The following OR6P1 variants were observed in gnomAD, a reference collection of about 807,000 sequenced individuals.
The protein encoded by OR6P1 is olfactory receptor 6P1.
In OR6P1, 5 loss-of-function variants were observed where a neutral mutation model predicts 6.6. The ratio of observed to expected loss-of-function variants is 0.76; its 90% confidence interval spans 0.40 to 1.60. The LOEUF is 1.60. OR6P1 is among the 40% of genes most tolerant of loss of function. The probability of loss-of-function intolerance (pLI) is 0.02; values close to 1 mark genes in which losing one functional copy is unlikely to be tolerated. For missense variants in OR6P1, 451 were observed against 383.0 expected, an observed-to-expected ratio of 1.18 and a Z score of -1.48; for synonymous variants, 177 against 149.6, an observed-to-expected ratio of 1.18 and a Z score of -1.33.
Position 158,563,109 on chromosome 1 carries a change from A to G in OR6P1, c.496T>C (p.Leu166=), listed in dbSNP as rs780568841. ...ATAATGTTGGGTCCACAGTAGGACA[A>G]TTGGGAAATAAAAAGAAGCTTCATC... ...SMMKLLFISQ[L]SYCGPNIINH... is the part of the protein sequence containing the mutation. Residue 166 remains leucine (L), a synonymous_variant, in exon 3 of 3, where the codon TTG becomes CTG. Coordinates refer to ENST00000641540, the MANE Select transcript of OR6P1 (RefSeq NM_001160325.2). The G allele has an allele frequency of 1.3e-6, 2 of 1,551,744 alleles. No individual in the cohort carries two copies. Among genetic ancestry groups the G allele is most frequent in the South Asian group, 2.4e-5 (2 of 84,054 alleles).
At chr1:158,568,052 C>T (rs886549326) in intron 1 of OR6P1, among the ~76,000 whole-genome samples, 5 of 152,084 alleles carry the variant, frequency 3.3e-5, no homozygotes, top group African/African-American at 9.7e-5. Flanking sequence ...AAAACTGAAC[C>T]CTTTTTGCTA....
chr1:158,562,356 A>G lies in OR6P1; in HGVS notation c.*295T>C. ...TCCCAGGAAGTTTTGAATATTATTC[A>G]CGGCAGGGTTACATTCCACACATAC... On this transcript the variant is annotated 3_prime_UTR_variant, in exon 3 of 3. Coordinates refer to ENST00000641540, the MANE Select transcript of OR6P1 (RefSeq NM_001160325.2). 3.1e-6 allele frequency: 1 copy of G among 324,040 alleles called. No homozygotes were observed. 20.1% of individuals were successfully genotyped at this position (324,040 alleles called of 1,614,324 possible).
intron 2 of OR6P1, among the ~76,000 whole-genome samples, chr1:158,565,127 C>T (rs183424915): frequency 2.6e-3 from 403 of 152,252 alleles, no homozygotes; most frequent in Middle Eastern, 3.4e-3. Context: ...GACTCAAACT[C>T]CTGGGCTCAA....
chr1:158,561,975 T>A lies in OR6P1; in HGVS notation c.*676A>T, dbSNP rs904934995. 6.6e-6 allele frequency: 1 copy of A among 152,296 alleles called. No homozygotes were observed. Among genetic ancestry groups the A allele is most frequent in the South Asian group, 2.1e-4 (1 of 4,832 alleles). The allele number at this position is 152,296 out of a possible 1,614,324, so 9.4% of individuals were successfully genotyped here. Reference sequence around the variant, plus strand: ...ATTTGTTAGGTCAACCAGCTTTACATGCCCCTGAGATTCAAAGAAGGGAGA... The same window carrying A: ...ATTTGTTAGGTCAACCAGCTTTACAAGCCCCTGAGATTCAAAGAAGGGAGA... On this transcript the variant is annotated 3_prime_UTR_variant, in exon 3 of 3. Transcript: ENST00000641540.
chr1:158,564,889 C>T (rs1199345095), intron 2 of OR6P1, among the ~76,000 whole-genome samples: 3 of 152,198 alleles, frequency 2.0e-5, no homozygotes, highest in African/African-American at 4.8e-5. Context: ...AGTGACCTGA[C>T]GTCTCCAGGG....
chr1:158,566,580 G>A (rs538450149), intron 2 of OR6P1, among the ~76,000 whole-genome samples, 184 bp downstream of exon 2: 7 of 152,182 alleles, frequency 4.6e-5, no homozygotes, highest in Non-Finnish European at 1.0e-4. Flanking sequence ...CAGAGCAGTA[G>A]CAAATCATAG....
intron 2 of OR6P1, among the ~76,000 whole-genome samples, chr1:158,566,113 TG>T (rs147350741): frequency 0.059 from 8,952 of 152,206 alleles, 350 homozygotes; most frequent in Non-Finnish European, 0.083. Context: ...GGCAAGATTT[TG>T]CTATGCTTTT....
rs1292388759 is a variant in OR6P1 at position 158,562,894 on chromosome 1, G to A, written c.711C>T (p.Ala237=). ...CCAGATGAGCGGCACAAGTGGAAAA[G>A]GCTTTGTGGCGTCCCCTGGACGTAG... The part of the protein sequence containing the change: ...RIPTSRGRHK[A]FSTCAAHLAV... Residue 237 remains alanine (A), a synonymous_variant, in exon 3 of 3, where the codon GCC becomes GCT. Coordinates refer to ENST00000641540, the MANE Select transcript of OR6P1 (RefSeq NM_001160325.2). 6.4e-7 allele frequency: 1 copy of A among 1,552,002 alleles called. No individual in the cohort carries two copies.
In OR6P1 at chr1:158,562,504, A is replaced by G. The variant is rs563221802; in HGVS notation, c.*147T>C. On this transcript the variant is annotated 3_prime_UTR_variant, in exon 3 of 3. Transcript: ENST00000641540. ...CCTGTAAAAAATAAATGATTCATAA[A>G]GTTTCATTTGTATCAGAAGGTCCCA... 6.6e-6 allele frequency: 4 copies of G among 604,686 alleles called. No individual in the cohort carries two copies. Among genetic ancestry groups the G allele is most frequent in the East Asian group, 5.6e-5 (2 of 35,960 alleles). The allele number at this position is 604,686 out of a possible 1,614,324, so 37.5% of individuals were successfully genotyped here.
chr1:158,567,573 T>C (rs959627889), intron 1 of OR6P1, among the ~76,000 whole-genome samples: 1 of 143,468 alleles, frequency 7.0e-6, no homozygotes, highest in African/African-American at 2.6e-5. Context: ...ATATTCTCAC[T>C]CATAGGTGGG....
chr1:158,569,562 ACTGT>A (rs538861041), intron 1 of OR6P1, among the ~76,000 whole-genome samples: 1 of 152,192 alleles, frequency 6.6e-6, no homozygotes, highest in Non-Finnish European at 1.5e-5. Flanking sequence ...ACAACTGAAG[ACTGT>A]CTGAGATTAT....
In OR6P1 at chr1:158,563,343, G is replaced by C; in HGVS notation, c.262C>G (p.Gln88Glu). The C allele has an allele frequency of 3.2e-6, 5 of 1,551,506 alleles. No individual in the cohort carries two copies. The highest frequency in any genetic ancestry group is 4.4e-6 in the Non-Finnish European group (5 of 1,146,896). ...CCTACGTAGGAGACTCTACCATCCTGGGTAAGAAAGGCTGCCAAGAGCCGA... is the reference window on the plus strand; with the variant it reads ...CCTACGTAGGAGACTCTACCATCCTCGGTAAGAAAGGCTGCCAAGAGCCGA... ...IPRLLAAFLT[Q>E]DGRVSYVGCM... The change falls in exon 3 of 3, where the codon CAG becomes GAG. Residue 88 changes from glutamine to glutamate, a missense_variant. Coordinates refer to ENST00000641540, the MANE Select transcript of OR6P1 (RefSeq NM_001160325.2).
intron 2 of OR6P1, among the ~76,000 whole-genome samples, chr1:158,563,877 G>A (rs1648033571): frequency 6.6e-6 from 1 of 152,072 alleles, no homozygotes; most frequent in South Asian, 2.1e-4. Flanking sequence ...AGAACTGCTT[G>A]GCATTTTGAT....
At chr1:158,567,790 T>TAAG (rs1648134971) in intron 1 of OR6P1, among the ~76,000 whole-genome samples, 1 of 81,564 alleles carries the variant, frequency 1.2e-5, no homozygotes, top group African/African-American at 5.6e-5. Flanking sequence ...ACTTAAAGTA[T>TAAG]AATAATAAAT....
At position 158,563,380 on chromosome 1, in the gene OR6P1, A is replaced by G. The variant is rs748844549; in HGVS notation, c.225T>C (p.Asn75=). The change falls in exon 3 of 3, where the codon AAT becomes AAC. Residue 75 remains asparagine, a synonymous_variant. Coordinates refer to ENST00000641540, the MANE Select transcript of OR6P1 (RefSeq NM_001160325.2). ...HLSFLELWYI[N]VTIPRLLAAF... ...CTGCCAAGAGCCGAGGAATGGTGACATTGATGTACCATAGCTCCAGGAAAG... is the reference window on the plus strand; with the variant it reads ...CTGCCAAGAGCCGAGGAATGGTGACGTTGATGTACCATAGCTCCAGGAAAG... 9.7e-6 allele frequency: 15 copies of G among 1,551,614 alleles called. No homozygotes were observed. The highest frequency in any genetic ancestry group is 1.2e-5 in the Non-Finnish European group (14 of 1,146,922).
chr1:158,565,097 T>C (rs1413583266), intron 2 of OR6P1, among the ~76,000 whole-genome samples: 1 of 152,238 alleles, frequency 6.6e-6, no homozygotes, highest in East Asian at 1.9e-4. Context: ...GGATGAGTCC[T>C]TGCTGTGTTC....
rs1474848465 is a variant in OR6P1, at chr1:158,562,951, G to C, written c.654C>G (p.Tyr218Ter). The C allele has an allele frequency of 3.2e-6, 5 of 1,551,726 alleles. No homozygotes were observed. In the Admixed American group the frequency reaches 9.8e-5, roughly 30 times the overall value. Reference sequence around the variant, plus strand: ...TCAGGATGGCTGCAATGATGGCAGTGTATGATGAAACCACAGCCAATAGAG... The same window carrying C: ...TCAGGATGGCTGCAATGATGGCAGTCTATGATGAAACCACAGCCAATAGAG... ...LLPLLAVVSS[Y>*]TAIIAAILRI... The change falls in exon 3 of 3, where the codon TAC (tyrosine) becomes TAG (stop). Residue 218 changes from tyrosine (Y) to a stop codon, truncating the protein, a stop_gained. Coordinates refer to ENST00000641540, the MANE Select transcript of OR6P1 (RefSeq NM_001160325.2). LOFTEE classifies it high-confidence loss of function.
Sources: allele counts gnomAD v4.1 joint callset (sites outside exome capture counted in the v4.1 genomes callset), GRCh38; gene constraint gnomAD v4.1.1; transcripts MANE v1.5; gene names NCBI Gene and HGNC (gene_info 2026-07-23, HGNC 2026-07-21).